ZNG1A: variants seen among roughly 807,000 people sequenced by gnomAD.
The protein encoded by ZNG1A is Zn regulated GTPase metalloprotein activator 1A.
At chr9:141,171 G>C in the ZNG1A span, among the ~76,000 whole-genome samples, 4 of 136,082 alleles carry the variant, frequency 2.9e-5, no homozygotes, top group Admixed American at 7.6e-5. Flanking sequence ...CCAACATTCA[G>C]ATTCAGGAAA....
the ZNG1A span, among the ~76,000 whole-genome samples, chr9:171,336 C>CA: frequency 0.048 from 6,883 of 142,516 alleles, 137 homozygotes; most frequent in South Asian, 0.085. Context: ...AGACCCAGAT[C>CA]AAAAAAAAAA....
the ZNG1A span, among the ~76,000 whole-genome samples, chr9:178,041 T>C: frequency 1.3e-5 from 2 of 149,760 alleles, no homozygotes; most frequent in Non-Finnish European, 2.9e-5. Flanking sequence ...CTTAACTTTT[T>C]CCAAACTTCT....
the ZNG1A span, chr9:166,640 A>G: frequency 6.6e-6 from 1 of 152,640 alleles, no homozygotes; most frequent in Non-Finnish European, 1.5e-5. Context: ...ATACAACCTT[A>G]TAATAAACAA....
the ZNG1A span, among the ~76,000 whole-genome samples, chr9:145,407 A>G: frequency 6.6e-6 from 1 of 151,328 alleles, no homozygotes; most frequent in African/African-American, 2.4e-5. Flanking sequence ...AGGGACATGG[A>G]TGAAATTGCA....
the ZNG1A span, chr9:159,935 T>G: frequency 2.7e-6 from 1 of 369,758 alleles, no homozygotes; most frequent in South Asian, 2.1e-5. Context: ...AACTGTTTTC[T>G]GACTGAATTG....
At chr9:162,166 A>G in the ZNG1A span, among the ~76,000 whole-genome samples, 5 of 149,334 alleles carry the variant, frequency 3.3e-5, no homozygotes, top group African/African-American at 7.5e-5. Flanking sequence ...AGAGTTATAC[A>G]TACCAAACTC....
chr9:176,779 G>T, the ZNG1A span, among the ~76,000 whole-genome samples: 157 of 151,668 alleles, frequency 1.0e-3, no homozygotes, highest in African/African-American at 3.6e-3. Context: ...AAACTGAAAG[G>T]AAAGGGTGAA....
the ZNG1A span, among the ~76,000 whole-genome samples, chr9:165,302 T>C: frequency 1.3e-5 from 2 of 151,566 alleles, no homozygotes; most frequent in East Asian, 3.9e-4. Flanking sequence ...CATAAATCAT[T>C]TTGTAATTTT....
the ZNG1A span, among the ~76,000 whole-genome samples, chr9:139,243 G>A: frequency 6.0e-5 from 9 of 149,224 alleles, no homozygotes; most frequent in Non-Finnish European, 1.2e-4. Context: ...ATGACTTTAC[G>A]CTACGTGAAA....
the ZNG1A span, among the ~76,000 whole-genome samples, chr9:161,817 A>T: frequency 6.6e-6 from 1 of 151,802 alleles, no homozygotes; most frequent in Admixed American, 6.6e-5. Flanking sequence ...ATCTTAGCCA[A>T]AAGACCAAGA....
chr9:124,940 C>T, the ZNG1A span, among the ~76,000 whole-genome samples: 6 of 152,210 alleles, frequency 3.9e-5, no homozygotes, highest in East Asian at 1.2e-3. Context: ...ATCACAGTTA[C>T]TTTATCCACG....
At chr9:167,761 C>T in the ZNG1A span, among the ~76,000 whole-genome samples, 16 of 147,258 alleles carry the variant, frequency 1.1e-4, no homozygotes, top group South Asian at 4.4e-4. Flanking sequence ...CTGTTTCTCA[C>T]TTTAAATCAA....
At chr9:163,207 A>G in the ZNG1A span, among the ~76,000 whole-genome samples, 1 of 152,110 alleles carries the variant, frequency 6.6e-6, no homozygotes, top group Non-Finnish European at 1.5e-5. Context: ...CTTAACTAAG[A>G]AAGTTTCTAA....
At chr9:175,714 T>G in the ZNG1A span, 3 of 1,585,648 alleles carry the variant, frequency 1.9e-6, no homozygotes, top group South Asian at 2.2e-5. Flanking sequence ...CAAATTCATT[T>G]AAAATGACCG....
chr9:129,778 C>T, the ZNG1A span, among the ~76,000 whole-genome samples: 16,387 of 98,240 alleles, frequency 0.17, 3,288 homozygotes, highest in Middle Eastern at 0.3. Context: ...CTATATTGTA[C>T]CCTTAAAAAT....
chr9:141,575 C>T, the ZNG1A span, among the ~76,000 whole-genome samples: 18 of 151,298 alleles, frequency 1.2e-4, no homozygotes, highest in African/African-American at 3.2e-4. Flanking sequence ...CGGTACCAGC[C>T]GCTGCAGAAT....
the ZNG1A span, among the ~76,000 whole-genome samples, chr9:163,157 G>C: frequency 6.6e-6 from 1 of 152,030 alleles, no homozygotes; most frequent in African/African-American, 2.4e-5. Context: ...TTTTGAAAAA[G>C]TAAGAAAATT....
chr9:137,930 G>C, the ZNG1A span, among the ~76,000 whole-genome samples: 1 of 118,116 alleles, frequency 8.5e-6, no homozygotes, highest in African/African-American at 3.4e-5. Flanking sequence ...GCTGACATGA[G>C]GGAAAAAGCC....
At chr9:124,381 T>TA in the ZNG1A span, among the ~76,000 whole-genome samples, 17 of 151,264 alleles carry the variant, frequency 1.1e-4, no homozygotes, top group Non-Finnish European at 2.1e-4. Context: ...TAGAAAATAA[T>TA]ATACTAAAGC....
Sources: gnomAD v4.1 joint callset for allele counts (sites outside exome capture counted in the v4.1 genomes callset) on GRCh38, gnomAD v4.1.1 for gene constraint, MANE v1.5 for transcripts, NCBI Gene and HGNC (gene_info 2026-07-23, HGNC 2026-07-21) for gene names.